Variants in SGCZ observed in about 807,000 individuals in gnomAD.
SGCZ encodes zeta-sarcoglycan.
Under a neutral mutation model 41.3 loss-of-function variants are expected in SGCZ, and 40 were observed. The observed-to-expected ratio is 0.97, with a 90% CI of 0.75 to 1.26. The LOEUF (loss-of-function observed/expected upper bound fraction) is 1.26. Ranked by LOEUF, SGCZ falls within the 50% of genes most tolerant of loss-of-function variation. The pLI, the probability that SGCZ is intolerant of heterozygous loss-of-function variation, is 0.00. For synonymous variants in SGCZ, 206 were observed against 137.5 expected (o/e 1.50, Z -3.49); for missense variants, 552 against 369.8 (o/e 1.49, Z -4.04).
chr8:14,853,094 A>G (rs1482762540), intron 1 of SGCZ, among the ~76,000 whole-genome samples: 3 of 152,228 alleles, frequency 2.0e-5, no homozygotes, highest in Non-Finnish European at 2.9e-5. Flanking sequence ...CAGCATTCAT[A>G]TTTGAAGAAA....
intron 2 of SGCZ, among the ~76,000 whole-genome samples, chr8:14,362,412 C>T (rs543681759): frequency 2.6e-5 from 4 of 152,186 alleles, no homozygotes. Flanking sequence ...GTGGACGCCC[C>T]AACGCCAGCC....
intron 1 of SGCZ, among the ~76,000 whole-genome samples, chr8:14,671,686 A>G (rs1381956848): frequency 2.0e-5 from 3 of 152,158 alleles, no homozygotes; most frequent in Non-Finnish European, 4.4e-5. Flanking sequence ...CAAACCATGC[A>G]TTTTCACTTT....
At chr8:14,156,769 A>C (rs1803889295) in intron 5 of SGCZ, among the ~76,000 whole-genome samples, 2 of 152,210 alleles carry the variant, frequency 1.3e-5, no homozygotes, top group South Asian at 4.1e-4. Flanking sequence ...AGGTCTACAA[A>C]GAATCAAGTT....
intron 1 of SGCZ, among the ~76,000 whole-genome samples, chr8:14,584,983 A>T (rs1447540083): frequency 6.6e-6 from 1 of 152,170 alleles, no homozygotes; most frequent in Non-Finnish European, 1.5e-5. Context: ...CAGGTACTTT[A>T]GCCAGGTACA....
chr8:14,267,749 G>C (rs10089956), intron 3 of SGCZ, among the ~76,000 whole-genome samples: 5,167 of 151,976 alleles, frequency 0.034, 110 homozygotes, highest in African/African-American at 0.06. Flanking sequence ...TGAGGAGTTT[G>C]GGCTCATTGA....
chr8:14,975,805 A>ATG (rs1303275442), intron 1 of SGCZ, among the ~76,000 whole-genome samples: 10 of 105,914 alleles, frequency 9.4e-5, no homozygotes, highest in African/African-American at 3.8e-4. Flanking sequence ...ATATATATAT[A>ATG]TATATGTGTG....
intron 1 of SGCZ, among the ~76,000 whole-genome samples, chr8:14,808,973 C>G (rs10106336): frequency 6.7e-6 from 1 of 150,084 alleles, no homozygotes; most frequent in Non-Finnish European, 1.5e-5. Context: ...AGTAAACTAT[C>G]GCAAGAACAA....
chr8:14,717,312 T>C (rs1178369148), intron 1 of SGCZ, among the ~76,000 whole-genome samples: 1 of 152,106 alleles, frequency 6.6e-6, no homozygotes, highest in African/African-American at 2.4e-5. Context: ...TGTGTTAAGG[T>C]ACAATACCAG....
chr8:15,212,269 C>G, intron 1 of SGCZ, among the ~76,000 whole-genome samples: 1 of 152,220 alleles, frequency 6.6e-6, no homozygotes, highest in African/African-American at 2.4e-5. Flanking sequence ...CCAACACTGG[C>G]CAATTCATTT....
chr8:14,140,976 A>G (rs1157173607), intron 5 of SGCZ, among the ~76,000 whole-genome samples: 1 of 152,200 alleles, frequency 6.6e-6, no homozygotes, highest in Non-Finnish European at 1.5e-5. Context: ...AAACTGATCT[A>G]TAGACCAATG....
chr8:15,194,923 A>G (rs570664237), intron 1 of SGCZ, among the ~76,000 whole-genome samples: 46 of 152,344 alleles, frequency 3.0e-4, no homozygotes, highest in Admixed American at 3.9e-4. Flanking sequence ...AACAAAATTA[A>G]CACATTGCGA....
At chr8:14,334,205 C>T (rs771912608) in intron 2 of SGCZ, among the ~76,000 whole-genome samples, 2 of 151,946 alleles carry the variant, frequency 1.3e-5, no homozygotes, top group South Asian at 4.1e-4. Context: ...TAGGGTAAAG[C>T]CTTTTATAGG....
intron 2 of SGCZ, among the ~76,000 whole-genome samples, chr8:14,443,212 T>C (rs956471804): frequency 4.6e-5 from 7 of 152,102 alleles, no homozygotes; most frequent in African/African-American, 1.7e-4. Context: ...GAAGAATCAA[T>C]ATTGTGAAAA....
rs34287378 is a variant in SGCZ at position 14,595,400 on chromosome 8, A to AACACACACACAC, written c.40-40486_40-40475dup. Among the ~76,000 whole-genome samples the AACACACACACAC allele has an allele frequency of 3.7e-3, 499 of 136,372 alleles. 2 individuals carry two copies. Among genetic ancestry groups the AACACACACACAC allele is most frequent in the Middle Eastern group, 7.8e-3 (2 of 258 alleles). 89.5% of individuals were successfully genotyped at this position (136,372 alleles called of 152,430 possible). On this transcript the variant is annotated intron_variant, in intron 1 of 7. Coordinates refer to ENST00000382080, the MANE Select transcript of SGCZ (RefSeq NM_139167.4). ...TATATATAAATGCCTAACATGCACAAACACACACACACACACACACACACA... is the reference window on the plus strand; with the variant it reads ...TATATATAAATGCCTAACATGCACAAACACACACACACACACACACACACACACACACACACA...
chr8:15,206,157 T>A (rs1458476008), intron 1 of SGCZ, among the ~76,000 whole-genome samples: 4 of 152,236 alleles, frequency 2.6e-5, no homozygotes, highest in Admixed American at 2.0e-4. Context: ...CAACAAACCT[T>A]CATATGTATG....
intron 2 of SGCZ, among the ~76,000 whole-genome samples, chr8:14,450,357 A>G (rs1800556578): frequency 6.6e-6 from 1 of 152,222 alleles, no homozygotes; most frequent in Admixed American, 6.5e-5. Context: ...CAGCCTCCAC[A>G]GGAGAATTAA....
chr8:14,611,461 C>T (rs1805927186), intron 1 of SGCZ, among the ~76,000 whole-genome samples: 1 of 152,044 alleles, frequency 6.6e-6, no homozygotes. Context: ...CTTTAAATTC[C>T]ATTTTATCGG....
At chr8:15,081,730 C>G (rs950370313) in intron 1 of SGCZ, among the ~76,000 whole-genome samples, 4 of 152,094 alleles carry the variant, frequency 2.6e-5, no homozygotes, top group African/African-American at 9.7e-5. Context: ...TTCTTAACAA[C>G]ACCAATTTCC....
intron 5 of SGCZ, among the ~76,000 whole-genome samples, chr8:14,154,276 G>A (rs1803809464): frequency 6.6e-6 from 1 of 152,146 alleles, no homozygotes; most frequent in Non-Finnish European, 1.5e-5. Flanking sequence ...GGCTGAGGCA[G>A]GAGAATGGCA....
Sources: gnomAD v4.1 joint callset for allele counts (sites outside exome capture counted in the v4.1 genomes callset) on GRCh38, gnomAD v4.1.1 for gene constraint, MANE v1.5 for transcripts, NCBI Gene and HGNC (gene_info 2026-07-23, HGNC 2026-07-21) for gene names.